Variants in DOCK9 observed in about 807,000 individuals in gnomAD.
DOCK9 encodes dedicator of cytokinesis protein 9.
Under a neutral mutation model 263.3 loss-of-function variants are expected in DOCK9, and 89 were observed. The observed-to-expected ratio is 0.34, with a 90% CI of 0.28 to 0.40. The LOEUF (loss-of-function observed/expected upper bound fraction) is 0.40. Ranked by LOEUF, DOCK9 falls within the 10% of genes least tolerant of loss-of-function variation. DOCK9 has a pLI of 1.00. For synonymous variants in DOCK9, 976 were observed against 973.1 expected (o/e 1.00, Z -0.06); for missense variants, 2,140 against 2,603.4 (o/e 0.82, Z 3.87).
Position 98,824,451 on chromosome 13 carries a change from C to T in DOCK9, c.5077G>A (p.Glu1693Lys), listed in dbSNP as rs1256730959. Residue 1693 changes from glutamate to lysine, a missense_variant, in exon 45 of 53, where the codon GAG (glutamate) becomes AAG (lysine). Glu to Lys is a moderately conservative substitution (Grantham distance 56). Transcript: ENST00000682017. The stretch of plus-strand genomic sequence containing the variant: ...ACGTCTTCCATCATGGAGGCCTCCT[C>T]GTCGATGTTTGGGGTAATGACCCTG... ...AFRVITPNID[E>K]EASMMEDVGM... 4 of 1,613,768 alleles carry T rather than the reference C, an allele frequency of 2.5e-6. No individual in the cohort carries two copies. Among genetic ancestry groups the T allele is most frequent in the East Asian group, 2.2e-5 (1 of 44,896 alleles).
intron 39 of DOCK9, among the ~76,000 whole-genome samples, chr13:98,832,817 C>T (rs148511758): frequency 2.0e-5 from 3 of 152,328 alleles, no homozygotes; most frequent in African/African-American, 4.8e-5. Flanking sequence ...AAAAAAATGT[C>T]AAGAGGCCAG....
chr13:98,827,572 G>C (rs1364524973), intron 43 of DOCK9, among the ~76,000 whole-genome samples: 1 of 152,222 alleles, frequency 6.6e-6, no homozygotes, highest in Non-Finnish European at 1.5e-5. Flanking sequence ...CTCACCCCTA[G>C]CTACTAGCCA....
At chr13:98,973,826 G>T (rs2059967934) in intron 1 of DOCK9, among the ~76,000 whole-genome samples, 1 of 152,148 alleles carries the variant, frequency 6.6e-6, no homozygotes, top group African/African-American at 2.4e-5. Flanking sequence ...TTGAACTCCT[G>T]AGATCAAGCA....
intron 18 of DOCK9, 97 bp from the exon 19 acceptor site, chr13:98,886,721 G>C: frequency 8.7e-7 from 1 of 1,154,290 alleles, no homozygotes. Context: ...CTACGGCATA[G>C]ACTTAGCATC....
At chr13:99,068,581 AAAAC>A (rs967443910) in intron 1 of DOCK9, among the ~76,000 whole-genome samples, 11 of 152,296 alleles carry the variant, frequency 7.2e-5, no homozygotes, top group South Asian at 6.2e-4. Context: ...ACTCCATCTC[AAAAC>A]AAACAAACAA....
At chr13:98,946,998 C>T (rs1308795378) in intron 2 of DOCK9, among the ~76,000 whole-genome samples, 2 of 152,246 alleles carry the variant, frequency 1.3e-5, no homozygotes, top group Non-Finnish European at 2.9e-5. Context: ...CGGCCCCTTT[C>T]ATGCCTGTCT....
rs1357812083 is a variant in DOCK9, at chr13:98,920,851, T to C, written c.717+103A>G. 11 of 1,102,426 alleles carry C rather than the reference T, an allele frequency of 1.0e-5. No homozygotes were observed. In the African/African-American group the frequency reaches 1.1e-4, roughly 11 times the overall value. 68.3% of individuals were successfully genotyped at this position (1,102,426 alleles called of 1,614,324 possible). A position where few individuals can be genotyped will look rare whatever the true frequency, so the allele number is the denominator to read the frequency against. ...AAAGTTATATGTTATATTTCTACCA[T>C]GCATATTGCCATTTTTGGAAGTGTT... On this transcript the variant is annotated intron_variant, in intron 7 of 52. Transcript: ENST00000682017.
intron 14 of DOCK9, 53 bp downstream of exon 14, chr13:98,898,126 C>G (rs1260203594): frequency 7.8e-7 from 1 of 1,274,884 alleles, no homozygotes; most frequent in African/African-American, 1.5e-5. Flanking sequence ...GCCTATTGAC[C>G]CATCCATGCA....
At chr13:98,956,870 T>C (rs1186767424) in intron 1 of DOCK9, among the ~76,000 whole-genome samples, 1 of 152,238 alleles carries the variant, frequency 6.6e-6, no homozygotes, top group African/African-American at 2.4e-5. Flanking sequence ...AAAATGACAA[T>C]TTTTATATAA....
chr13:98,903,242 C>G (rs1348622853), intron 10 of DOCK9, 130 bp from the exon 11 acceptor site: 1 of 706,934 alleles, frequency 1.4e-6, no homozygotes, highest in Non-Finnish European at 2.1e-6. Flanking sequence ...AATAGTGTTG[C>G]TATTATATAA....
chr13:99,042,494 C>T (rs529358823), intron 1 of DOCK9, among the ~76,000 whole-genome samples: 44 of 152,318 alleles, frequency 2.9e-4, no homozygotes, highest in African/African-American at 9.6e-4. Flanking sequence ...TCAGGGAAGA[C>T]GGTATCACTA....
chr13:98,914,127 C>G (rs1227693533), intron 9 of DOCK9, among the ~76,000 whole-genome samples: 2 of 152,112 alleles, frequency 1.3e-5, no homozygotes, highest in East Asian at 3.8e-4. Flanking sequence ...AAGGAGAATG[C>G]TTTGTAGGGT....
intron 1 of DOCK9, among the ~76,000 whole-genome samples, chr13:99,051,852 T>C (rs1210565706): frequency 3.9e-5 from 1 of 25,936 alleles, no homozygotes; most frequent in East Asian, 1.9e-3. Flanking sequence ...GTTCCACTAG[T>C]GGCAAAAAAA....
chr13:99,045,449 A>C (rs1334706678), intron 1 of DOCK9, among the ~76,000 whole-genome samples: 1 of 152,222 alleles, frequency 6.6e-6, no homozygotes, highest in Non-Finnish European at 1.5e-5. Context: ...GTAGACTCTA[A>C]AAAAGTCAAA....
intron 2 of DOCK9, chr13:98,950,246 G>C (rs768125188): frequency 4.4e-6 from 4 of 907,430 alleles, no homozygotes; most frequent in Non-Finnish European, 6.7e-6. Flanking sequence ...AGTTGTCTGA[G>C]ATGCAGCTTG....
rs2296984 is a variant in DOCK9 at position 98,805,177 on chromosome 13, T to G, written c.5547A>C (p.Ala1849=). The change falls in exon 49 of 53, where the codon GCA becomes GCC. Residue 1849 remains alanine (A), a synonymous_variant. Transcript: ENST00000682017. ...VNPKDLDSKY[A]YIQVTHVIPF... ...GGATGACGTGAGTCACCTGGATGTA[T>G]GCATACTTAGAATCCAGATCCTTAG... 320,829 of 1,602,684 alleles carry G rather than the reference T, an allele frequency of 0.2. 32,263 individuals are homozygous for G. Among genetic ancestry groups the G allele is most frequent in the Middle Eastern group, 0.23 (1,405 of 6,044 alleles).
chr13:98,838,545 A>C (rs1398788698), intron 38 of DOCK9, among the ~76,000 whole-genome samples: 2 of 152,384 alleles, frequency 1.3e-5, no homozygotes, highest in Non-Finnish European at 2.9e-5. Context: ...CTGTCATTTA[A>C]ACTTAGCTTA....
chr13:98,900,353 C>T (rs1262461001), intron 13 of DOCK9, among the ~76,000 whole-genome samples: 4 of 152,168 alleles, frequency 2.6e-5, no homozygotes, highest in African/African-American at 7.2e-5. Flanking sequence ...GTGTTGCATA[C>T]ACGGTCGGGG....
At chr13:99,037,329 GC>G (rs200665131) in intron 1 of DOCK9, among the ~76,000 whole-genome samples, 6 of 151,198 alleles carry the variant, frequency 4.0e-5, no homozygotes, top group East Asian at 1.9e-4. Flanking sequence ...CAAACATTTC[GC>G]CAAAAAAAAT....
Sources: allele counts gnomAD v4.1 joint callset (sites outside exome capture counted in the v4.1 genomes callset), GRCh38; gene constraint gnomAD v4.1.1; transcripts MANE v1.5; gene names NCBI Gene and HGNC (gene_info 2026-07-23, HGNC 2026-07-21).